The following UBE4B variants were observed in gnomAD, a reference collection of about 807,000 sequenced individuals.
UBE4B encodes the protein ubiquitin conjugation factor E4 B.
Under a neutral mutation model 148.1 loss-of-function variants are expected in UBE4B, and 27 were observed. The observed-to-expected ratio is 0.18, with a 90% CI of 0.13 to 0.25. The LOEUF (loss-of-function observed/expected upper bound fraction) is 0.25. UBE4B is among the 10% of genes least tolerant of loss of function. The pLI, the probability that UBE4B is intolerant of heterozygous loss-of-function variation, is 1.00. For synonymous variants in UBE4B, 596 were observed against 619.3 expected (o/e 0.96, Z 0.56); for missense variants, 1,170 against 1,662.4 (o/e 0.70, Z 5.15).
Position 10,130,636 on chromosome 1 carries a change from G to T in UBE4B, c.1812+20G>T, listed in dbSNP as rs528352443. The T allele has an allele frequency of 3.7e-6, 6 of 1,612,082 alleles. No individual in the cohort carries two copies. In the South Asian group the frequency reaches 6.6e-5, roughly 18 times the overall value. ...GATGATGTAAGTATAGTGGCTACTT[G>T]TACTTTGCTGCCCTTTTATTCAGAT... On this transcript the variant is annotated intron_variant, in intron 13 of 27. Transcript: ENST00000343090.
At chr1:10,125,253 A>G (rs1374081629) in intron 10 of UBE4B, among the ~76,000 whole-genome samples, 2 of 152,292 alleles carry the variant, frequency 1.3e-5, no homozygotes, top group South Asian at 2.1e-4. Context: ...AAATTTGGAG[A>G]TTTTTCAGGA....
chr1:10,042,680 C>G (rs946273107), intron 1 of UBE4B, among the ~76,000 whole-genome samples: 1 of 152,118 alleles, frequency 6.6e-6, no homozygotes, highest in Non-Finnish European at 1.5e-5. Context: ...AACATGTTCA[C>G]ATAAGGTGTC....
At chr1:10,105,166 A>G (rs1020299221) in intron 5 of UBE4B, among the ~76,000 whole-genome samples, 3 of 152,248 alleles carry the variant, frequency 2.0e-5, no homozygotes, top group African/African-American at 4.8e-5. Flanking sequence ...TCTTTTTACA[A>G]TTAATATACA....
chr1:10,085,754 A>T (rs1030190211), intron 2 of UBE4B, among the ~76,000 whole-genome samples: 4 of 152,126 alleles, frequency 2.6e-5, no homozygotes, highest in Non-Finnish European at 4.4e-5. Context: ...GCCACCATAA[A>T]TTCAGAAAAT....
chr1:10,084,513 A>C (rs945242987), intron 2 of UBE4B, among the ~76,000 whole-genome samples: 2 of 151,674 alleles, frequency 1.3e-5, no homozygotes, highest in Non-Finnish European at 2.9e-5. Context: ...TTTTGGGTGC[A>C]TTTGTCTGGT....
At chr1:10,074,505 C>T (rs1028029988) in intron 2 of UBE4B, among the ~76,000 whole-genome samples, 1 of 152,322 alleles carries the variant, frequency 6.6e-6, no homozygotes, top group South Asian at 2.1e-4. Context: ...CTGTCCTCTC[C>T]ATCCCCTTCT....
intron 17 of UBE4B, among the ~76,000 whole-genome samples, chr1:10,140,527 G>A (rs1332434990): frequency 1.3e-5 from 2 of 152,150 alleles, no homozygotes; most frequent in East Asian, 3.9e-4. Flanking sequence ...ACTGAGAGAA[G>A]CTTATAAAAA....
chr1:10,118,316 G>A (rs774240122), intron 8 of UBE4B, among the ~76,000 whole-genome samples: 6 of 152,050 alleles, frequency 3.9e-5, no homozygotes, highest in Non-Finnish European at 8.8e-5. Context: ...AGCGAAATGA[G>A]TGGGCATGTC....
At chr1:10,051,783 C>T (rs994543926) in intron 1 of UBE4B, among the ~76,000 whole-genome samples, 1 of 152,122 alleles carries the variant, frequency 6.6e-6, no homozygotes, top group Admixed American at 6.6e-5. Context: ...CACTTTACTC[C>T]CATCAGATGA....
chr1:10,118,868 CTTTTTTTTTTTTTT>C (rs35822677), intron 8 of UBE4B, among the ~76,000 whole-genome samples: 18 of 23,090 alleles, frequency 7.8e-4, no homozygotes, highest in African/African-American at 2.1e-3. Context: ...CCAGGCTGGT[CTTTTTTTTTTTTTT>C]TTTTTTTTTT....
intron 20 of UBE4B, among the ~76,000 whole-genome samples, chr1:10,149,610 A>C (rs963283220): frequency 6.6e-6 from 1 of 152,238 alleles, no homozygotes; most frequent in Non-Finnish European, 1.5e-5. Context: ...AAAACCAGAA[A>C]TATCCACATC....
At chr1:10,160,156 C>T (rs910599083) in intron 22 of UBE4B, among the ~76,000 whole-genome samples, 7 of 152,204 alleles carry the variant, frequency 4.6e-5, no homozygotes, top group Non-Finnish European at 1.0e-4. Flanking sequence ...TTCAGTTCAC[C>T]AGCAAGTTCT....
rs567386722 is a variant in UBE4B at position 10,154,357 on chromosome 1, G to A, written c.2926+2796G>A. ...AGCTTGAACCCGGGAGGTGGAGGTTGTAGTTAGCCGAGATCTAAAAAAATT... is the reference window on the plus strand; with the variant it reads ...AGCTTGAACCCGGGAGGTGGAGGTTATAGTTAGCCGAGATCTAAAAAAATT... On this transcript the variant is annotated intron_variant, in intron 21 of 27. Transcript: ENST00000343090. 5.3e-5 allele frequency among the ~76,000 whole-genome samples: 8 copies of A among 152,196 alleles called. No homozygotes were observed. The South Asian group carries it at 1.5e-3, about 28-fold the overall frequency.
At chr1:10,113,924 G>C (rs982969256) in intron 7 of UBE4B, among the ~76,000 whole-genome samples, 2 of 152,020 alleles carry the variant, frequency 1.3e-5, no homozygotes, top group Non-Finnish European at 2.9e-5. Context: ...AATTAGCCAG[G>C]CATGGTGGCG....
Position 10,168,705 on chromosome 1 carries a change from AC to A in UBE4B, c.3333+436del, listed in dbSNP as rs985418147. Among the ~76,000 whole-genome samples, 5 of 152,168 alleles carry A rather than the reference AC, an allele frequency of 3.3e-5. No homozygotes were observed. The highest frequency in any genetic ancestry group is 1.5e-5 in the Non-Finnish European group (1 of 68,028). On this transcript the variant is annotated intron_variant, in intron 24 of 27. Coordinates refer to ENST00000343090, the MANE Select transcript of UBE4B (RefSeq NM_001105562.3). This position sits in a 1 kb window ranked among gnomAD's most constrained non-coding sequence, Gnocchi z 4.9. ...CAGGAGATGGAGACCATCCTGGCTA[AC>A]ACAGTGAAACCCCATCTCTACTAAA...
intron 15 of UBE4B, among the ~76,000 whole-genome samples, chr1:10,133,126 A>C (rs1645623393): frequency 1.3e-5 from 2 of 150,700 alleles, no homozygotes; most frequent in Admixed American, 1.3e-4. Context: ...CAAGGGCGTG[A>C]GTGCTTCGGT....
intron 1 of UBE4B, among the ~76,000 whole-genome samples, chr1:10,052,925 T>C (rs371383122): frequency 6.6e-6 from 1 of 152,174 alleles, no homozygotes; most frequent in East Asian, 1.9e-4. Context: ...GGTTCATAGA[T>C]ACCTGTTTTC....
intron 2 of UBE4B, among the ~76,000 whole-genome samples, chr1:10,089,906 G>A (rs1165686403): frequency 6.6e-6 from 1 of 151,766 alleles, no homozygotes; most frequent in Non-Finnish European, 1.5e-5. Context: ...GTTTCACCAT[G>A]GTGGCCAGGC....
chr1:10,072,007 C>T, intron 1 of UBE4B, 21 bp from the exon 2 acceptor site: 5 of 1,554,474 alleles, frequency 3.2e-6, no homozygotes, highest in Non-Finnish European at 2.6e-6. Flanking sequence ...TATAGAATGC[C>T]CTTTTCCCCT....
Sources: allele counts gnomAD v4.1 joint callset (sites outside exome capture counted in the v4.1 genomes callset), GRCh38; gene constraint gnomAD v4.1.1; non-coding constraint Gnocchi (gnomAD v3.1); transcripts MANE v1.5; gene names NCBI Gene and HGNC (gene_info 2026-07-23, HGNC 2026-07-21).